Variants in THSD7A observed in about 807,000 individuals in gnomAD.
THSD7A encodes the protein thrombospondin type-1 domain-containing protein 7A.
THSD7A carries 96 observed loss-of-function variants against 231.3 expected under a neutral mutation model. The observed-to-expected ratio is 0.41, with a 90% CI of 0.35 to 0.49. The LOEUF (loss-of-function observed/expected upper bound fraction) is 0.49, where lower values mean the gene tolerates loss of function less well. Ranked by LOEUF, THSD7A falls within the 20% of genes least tolerant of loss-of-function variation. The probability of loss-of-function intolerance (pLI) is 0.05; values close to 1 mark genes in which losing one functional copy is unlikely to be tolerated. For synonymous variants in THSD7A, 940 were observed against 743.3 expected (o/e 1.26, Z -4.30); for missense variants, 2,290 against 2,070.2 (o/e 1.11, Z -2.06).
rs79164441 is a variant in THSD7A at position 11,526,210 on chromosome 7, C to T, written c.1822+15209G>A. 3.2e-3 allele frequency among the ~76,000 whole-genome samples: 495 copies of T among 152,314 alleles called. 1 individual carries two copies. The highest frequency in any genetic ancestry group is 0.011 in the African/African-American group (447 of 41,576). On this transcript the variant is annotated intron_variant, in intron 6 of 27. Transcript: ENST00000423059. Reference sequence around the variant, plus strand: ...TTCATCTCCTCCAGCTTTTCAAACACGAACTGTTCAGTAACATGCCCAACT... The same window carrying T: ...TTCATCTCCTCCAGCTTTTCAAACATGAACTGTTCAGTAACATGCCCAACT...
At chr7:11,769,151 A>ATTTTT (rs1422492872) in intron 1 of THSD7A, among the ~76,000 whole-genome samples, 4 of 35,490 alleles carry the variant, frequency 1.1e-4, no homozygotes, top group African/African-American at 3.5e-4. Flanking sequence ...ATATATATAT[A>ATTTTT]TATTTTTTTT....
In THSD7A at chr7:11,524,100, A is replaced by C. The variant is rs1788377289; in HGVS notation, c.1822+17319T>G. 3.3e-5 allele frequency among the ~76,000 whole-genome samples: 5 copies of C among 152,218 alleles called. 1 individual carries two copies. In the South Asian group the frequency reaches 1.0e-3, roughly 32 times the overall value. ...GATGTGGAAAAAGATATATTGTCCC[A>C]TCAATTTGTATTTCTTTATTGCAAT... is the stretch of plus-strand genomic sequence containing the variant. On this transcript the variant is annotated intron_variant, in intron 6 of 27. Transcript: ENST00000423059.
chr7:11,706,531 T>C (rs73049095), intron 1 of THSD7A, among the ~76,000 whole-genome samples: 37,186 of 150,210 alleles, frequency 0.25, 5,019 homozygotes, highest in Non-Finnish European at 0.31. Flanking sequence ...TTTGTGGTCT[T>C]TAGTAACATC....
intron 1 of THSD7A, among the ~76,000 whole-genome samples, chr7:11,791,859 C>T (rs968052969): frequency 5.3e-5 from 8 of 151,784 alleles, no homozygotes; most frequent in African/African-American, 1.9e-4. Flanking sequence ...TTTTTGCTGC[C>T]GCCTCTTTCT....
chr7:11,575,156 C>T (rs1409257546), intron 4 of THSD7A, among the ~76,000 whole-genome samples: 1 of 152,192 alleles, frequency 6.6e-6, no homozygotes, highest in Non-Finnish European at 1.5e-5. Context: ...TCATCCTCGT[C>T]ATCCTCTGCA....
chr7:11,433,675 G>T (rs1261059859), intron 13 of THSD7A, among the ~76,000 whole-genome samples: 1 of 151,872 alleles, frequency 6.6e-6, no homozygotes, highest in Non-Finnish European at 1.5e-5. Context: ...GGCTTTTTTA[G>T]CTCAGTAATT....
chr7:11,644,555 T>C (rs897207997), intron 1 of THSD7A, among the ~76,000 whole-genome samples: 4 of 151,968 alleles, frequency 2.6e-5, no homozygotes, highest in Admixed American at 2.6e-4. Context: ...GAGAGATCAC[T>C]GTAGATGTCA....
chr7:11,826,624 C>A (rs959024507), intron 1 of THSD7A, among the ~76,000 whole-genome samples: 1 of 151,950 alleles, frequency 6.6e-6, no homozygotes, highest in African/African-American at 2.4e-5. Context: ...CCAGCCTGCC[C>A]AACATGGTGA....
At chr7:11,798,587 CTAT>C (rs1433773215) in intron 1 of THSD7A, among the ~76,000 whole-genome samples, 4 of 151,434 alleles carry the variant, frequency 2.6e-5, no homozygotes, top group Non-Finnish European at 4.4e-5. Flanking sequence ...ACCTGTGTCA[CTAT>C]TATTTAGGTG....
intron 2 of THSD7A, among the ~76,000 whole-genome samples, chr7:11,627,313 T>C (rs1781504215): frequency 6.6e-6 from 1 of 152,080 alleles, no homozygotes; most frequent in Admixed American, 6.6e-5. Flanking sequence ...ATTCACCTAT[T>C]GTTATTACAT....
At chr7:11,628,578 C>T (rs1406334849) in intron 2 of THSD7A, among the ~76,000 whole-genome samples, 1 of 152,132 alleles carries the variant, frequency 6.6e-6, no homozygotes, top group East Asian at 1.9e-4. Flanking sequence ...GTAGACAAAA[C>T]ATAGCACCTC....
chr7:11,751,988 A>G (rs1782518259), intron 1 of THSD7A, among the ~76,000 whole-genome samples: 1 of 152,106 alleles, frequency 6.6e-6, no homozygotes, highest in African/African-American at 2.4e-5. Flanking sequence ...TACTCAAACA[A>G]TTTCAGATGA....
chr7:11,734,414 G>T (rs1305816443), intron 1 of THSD7A, among the ~76,000 whole-genome samples: 1 of 151,748 alleles, frequency 6.6e-6, no homozygotes, highest in Non-Finnish European at 1.5e-5. Flanking sequence ...TAATTTAAAG[G>T]CTTTTCATCC....
chr7:11,798,910 G>T (rs1784201721), intron 1 of THSD7A, among the ~76,000 whole-genome samples: 1 of 149,098 alleles, frequency 6.7e-6, no homozygotes, highest in Non-Finnish European at 1.5e-5. Context: ...GTTTAAAGTT[G>T]AGAATTTAGT....
intron 1 of THSD7A, among the ~76,000 whole-genome samples, chr7:11,761,740 C>CCTTT (rs953736360): frequency 1.3e-5 from 2 of 151,740 alleles, no homozygotes; most frequent in African/African-American, 4.8e-5. Context: ...GAATTGCATT[C>CCTTT]CTTTCTTTCT....
At chr7:11,663,860 A>C (rs1043644274) in intron 1 of THSD7A, among the ~76,000 whole-genome samples, 8 of 151,708 alleles carry the variant, frequency 5.3e-5, no homozygotes, top group Non-Finnish European at 7.4e-5. Context: ...ACATAACTGG[A>C]ATGACATTTT....
At chr7:11,389,488 T>G (rs1040281336) in intron 23 of THSD7A, among the ~76,000 whole-genome samples, 8 of 130,124 alleles carry the variant, frequency 6.1e-5, no homozygotes, top group Non-Finnish European at 1.1e-4. Flanking sequence ...TATCCCTCCA[T>G]CCCTTTATTT....
At chr7:11,667,540 T>A (rs1346253531) in intron 1 of THSD7A, among the ~76,000 whole-genome samples, 4 of 152,102 alleles carry the variant, frequency 2.6e-5, no homozygotes, top group Non-Finnish European at 1.5e-5. Flanking sequence ...TATTAAAAAG[T>A]AGGGCAAGGT....
chr7:11,561,781 G>A (rs1008263930), intron 4 of THSD7A, among the ~76,000 whole-genome samples: 9 of 152,160 alleles, frequency 5.9e-5, no homozygotes, highest in African/African-American at 9.7e-5. Flanking sequence ...GAACCTGGGA[G>A]GCAGAGGTTG....
Sources: gnomAD v4.1 joint callset for allele counts (sites outside exome capture counted in the v4.1 genomes callset) on GRCh38, gnomAD v4.1.1 for gene constraint, MANE v1.5 for transcripts, NCBI Gene and HGNC (gene_info 2026-07-23, HGNC 2026-07-21) for gene names.